The following DUXB variants were observed in gnomAD, a reference collection of about 807,000 sequenced individuals.
DUXB encodes the protein double homeobox protein B.
In DUXB, 22 loss-of-function variants were observed where a neutral mutation model predicts 8.9. That is an observed-to-expected ratio of 2.46 (90% CI 1.76 to 3.52). DUXB has a LOEUF of 3.52. Ranked by LOEUF, DUXB falls within the 30% of genes most tolerant of loss-of-function variation. DUXB has a pLI of 0.00. For missense variants in DUXB, 237 were observed against 108.7 expected, an observed-to-expected ratio of 2.18 and a Z score of -5.25; for synonymous variants, 84 against 37.6, an observed-to-expected ratio of 2.23 and a Z score of -4.52.
At chr16:75,701,108 T>A (rs1026116502) in intron 1 of DUXB, among the ~76,000 whole-genome samples, 4 of 152,166 alleles carry the variant, frequency 2.6e-5, no homozygotes, top group African/African-American at 9.7e-5. Flanking sequence ...GTAGGCTGCA[T>A]TAGACAGTTC....
rs886225308 is a variant in DUXB at position 75,694,542 on chromosome 16, G to A, written c.442-17C>T. On this transcript the variant is annotated splice_polypyrimidine_tract_variant and intron_variant, in intron 4 of 4. Transcript: ENST00000633875. ...AAACCACATCTAAATGAGAAAAAGG[G>A]CAACATGACATCATAAGACATAAGC... is the stretch of plus-strand genomic sequence containing the variant. The A allele has an allele frequency of 1.4e-6, 1 of 702,668 alleles. No homozygotes were observed. The highest frequency in any genetic ancestry group is 2.6e-6 in the Non-Finnish European group (1 of 384,956). The allele number at this position is 702,668 out of a possible 1,614,324, so 43.5% of individuals were successfully genotyped here. A position where few individuals can be genotyped will look rare whatever the true frequency, so the allele number is the denominator to read the frequency against.
chr16:75,694,258 T>C lies in DUXB; in HGVS notation c.709A>G (p.Met237Val). 1 of 587,588 alleles carries C rather than the reference T, an allele frequency of 1.7e-6. No homozygotes were observed. The allele number at this position is 587,588 out of a possible 1,614,324, so 36.4% of individuals were successfully genotyped here. A position where few individuals can be genotyped will look rare whatever the true frequency, so the allele number is the denominator to read the frequency against. The stretch of plus-strand genomic sequence containing the variant: ...TCCTGCACAGCCTGTGTGGGCTGCA[T>C]GATCATGACATTTGGTCCTTGGCTC... ...HVSQGPNVMIMQPTQAVQEGE... is the reference protein window; with the variant it reads ...HVSQGPNVMIVQPTQAVQEGE... Residue 237 changes from methionine (M) to valine (V), a missense_variant, in exon 5 of 5, where the codon ATG becomes GTG. Transcript: ENST00000633875.
chr16:75,699,563 CTT>C (rs1317094267), intron 2 of DUXB, among the ~76,000 whole-genome samples: 8 of 142,960 alleles, frequency 5.6e-5, no homozygotes, highest in Admixed American at 7.0e-5. Flanking sequence ...CTTTTCTTTT[CTT>C]TTTTTTTTTT....
At chr16:75,699,720 G>A (rs1270330161) in intron 2 of DUXB, among the ~76,000 whole-genome samples, 1 of 151,812 alleles carries the variant, frequency 6.6e-6, no homozygotes, top group Non-Finnish European at 1.5e-5. Flanking sequence ...CACCACGCCC[G>A]GCTAATTTTT....
intron 2 of DUXB, among the ~76,000 whole-genome samples, chr16:75,699,810 C>A (rs1959200772): frequency 6.6e-6 from 1 of 152,214 alleles, no homozygotes; most frequent in Non-Finnish European, 1.5e-5. Context: ...ATCCGCCTGC[C>A]TTGGCCTCCC....
At chr16:75,696,637 G>A (rs2082609661) in intron 3 of DUXB, among the ~76,000 whole-genome samples, 1 of 152,136 alleles carries the variant, frequency 6.6e-6, no homozygotes, top group Non-Finnish European at 1.5e-5. Context: ...GTGGGAGGCC[G>A]CTCTGCCTAT....
intron 2 of DUXB, among the ~76,000 whole-genome samples, chr16:75,697,279 G>A (rs1418517235): frequency 6.6e-6 from 1 of 152,148 alleles, no homozygotes; most frequent in Non-Finnish European, 1.5e-5. Context: ...TTCGGTTTCT[G>A]AATATCTTTT....
At chr16:75,699,112 T>G (rs1198495946) in intron 2 of DUXB, among the ~76,000 whole-genome samples, 1 of 152,204 alleles carries the variant, frequency 6.6e-6, no homozygotes, top group East Asian at 1.9e-4. Flanking sequence ...TCTGAAAATG[T>G]TGGGATTACA....
At chr16:75,697,129 C>G (rs1324705947) in intron 2 of DUXB, among the ~76,000 whole-genome samples, 186 bp from the exon 3 acceptor site, 1 of 152,200 alleles carries the variant, frequency 6.6e-6, no homozygotes, top group Admixed American at 6.5e-5. Flanking sequence ...ACACACGCAT[C>G]TCCCTTCAAA....
In DUXB at chr16:75,694,008, A is replaced by G; in HGVS notation, c.959T>C (p.Ile320Thr). The part of the protein sequence containing the change: ...QQPLNLGQFD[I>T]SNILQRWDEI... ...GTCCCACCTTTGCAAAATGTTCGAT[A>G]TGTCAAACTGACCCAGATTTAGAGG... Residue 320 changes from isoleucine to threonine, a missense_variant, in exon 5 of 5, where the codon ATA becomes ACA. Transcript: ENST00000633875. The G allele has an allele frequency of 5.0e-6, 2 of 401,672 alleles. No homozygotes were observed. Among genetic ancestry groups the G allele is most frequent in the Non-Finnish European group, 8.8e-6 (2 of 228,494 alleles). 24.9% of individuals were successfully genotyped at this position (401,672 alleles called of 1,614,324 possible).
chr16:75,699,568 T>C (rs1001556514), intron 2 of DUXB, among the ~76,000 whole-genome samples: 4 of 151,728 alleles, frequency 2.6e-5, no homozygotes, highest in Non-Finnish European at 5.9e-5. Flanking sequence ...CTTTTCTTTT[T>C]TTTTTTTTTG....
At chr16:75,700,275 C>T (rs1000071723) in intron 1 of DUXB, 106 bp from the exon 2 acceptor site, 3 of 574,108 alleles carry the variant, frequency 5.2e-6, no homozygotes, top group Non-Finnish European at 9.3e-6. Context: ...CACTCTGTCG[C>T]CCAGATTGGA....
chr16:75,698,092 A>G lies in DUXB; in HGVS notation c.181-1149T>C, dbSNP rs1052511729. ...TAAATTAATGAATCAGAATAGTTTT[A>G]GTTAAGAAATCTTAAGTACAGATGG... On this transcript the variant is annotated intron_variant, in intron 2 of 4. Coordinates refer to ENST00000633875, the MANE Select transcript of DUXB (RefSeq NM_001351307.2). 2.6e-5 allele frequency among the ~76,000 whole-genome samples: 4 copies of G among 152,356 alleles called. No homozygotes were observed. The South Asian group carries it at 8.3e-4, about 32-fold the overall frequency.
chr16:75,698,103 C>A (rs1959194521), intron 2 of DUXB, among the ~76,000 whole-genome samples: 2 of 152,194 alleles, frequency 1.3e-5, no homozygotes, highest in African/African-American at 2.4e-5. Flanking sequence ...GTTAAGAAAT[C>A]TTAAGTACAG....
At position 75,694,486 on chromosome 16, in the gene DUXB, T is replaced by C; in HGVS notation, c.481A>G (p.Ser161Gly). The C allele has an allele frequency of 1.4e-6, 1 of 703,112 alleles. No individual in the cohort carries two copies. The highest frequency in any genetic ancestry group is 1.5e-5 in the South Asian group (1 of 67,592). 43.6% of individuals were successfully genotyped at this position (703,112 alleles called of 1,614,324 possible). Residue 161 changes from serine (S) to glycine (G), a missense_variant, in exon 5 of 5, where the codon AGC becomes GGC. Physicochemically the swap from Ser to Gly is moderately conservative, Grantham distance 56 (BLOSUM62 0). Coordinates refer to ENST00000633875, the MANE Select transcript of DUXB (RefSeq NM_001351307.2). ...QKQRSLYLKKSRMEPMNLLVD... is the reference protein window; with the variant it reads ...QKQRSLYLKKGRMEPMNLLVD... The stretch of plus-strand genomic sequence containing the variant: ...AATAAATTCATGGGCTCCATTCTGC[T>C]CTTCTTGAGGTACAGAGATCTTTGT...
At chr16:75,698,344 C>T (rs1959195172) in intron 2 of DUXB, among the ~76,000 whole-genome samples, 1 of 152,186 alleles carries the variant, frequency 6.6e-6, no homozygotes, top group South Asian at 2.1e-4. Context: ...AATTTCTTCT[C>T]TCCTATATCC....
In DUXB at chr16:75,694,045, T is replaced by C. The variant is rs2082582932; in HGVS notation, c.922A>G (p.Arg308Gly). ...KSHSQPEPEH[R>G]EQQPLNLGQF... The stretch of plus-strand genomic sequence containing the variant: ...CCCAGATTTAGAGGTTGTTGCTCCC[T>C]GTGCTCAGGTTCAGGCTGAGAATGG... The change falls in exon 5 of 5, where the codon AGG (arginine) becomes GGG (glycine). Residue 308 changes from arginine (R) to glycine (G), a missense_variant. Coordinates refer to ENST00000633875, the MANE Select transcript of DUXB (RefSeq NM_001351307.2). The C allele has an allele frequency of 2.5e-6, 1 of 404,802 alleles. No homozygotes were observed. The highest frequency in any genetic ancestry group is 4.3e-6 in the Non-Finnish European group (1 of 230,558). The allele number at this position is 404,802 out of a possible 1,614,324, so 25.1% of individuals were successfully genotyped here.
rs1430919185 is a variant in DUXB, at chr16:75,700,105, G to A, written c.90C>T (p.Leu30=). 1.4e-6 allele frequency: 1 copy of A among 702,660 alleles called. No homozygotes were observed. The highest frequency in any genetic ancestry group is 2.6e-6 in the Non-Finnish European group (1 of 384,944). The allele number at this position is 702,660 out of a possible 1,614,324, so 43.5% of individuals were successfully genotyped here. A position where few individuals can be genotyped will look rare whatever the true frequency, so the allele number is the denominator to read the frequency against. The part of the protein sequence containing the change: ...IQYNQSQKDI[L]QSWFQHDPFP... ...AAGGGTCATGTTGAAACCATGATTG[G>A]AGGATATCCTTTTGACTCTGGTTAT... The change falls in exon 2 of 5, where the codon CTC becomes CTT. Residue 30 remains leucine (L), a synonymous_variant. Transcript: ENST00000633875.
At chr16:75,695,841 T>C in intron 4 of DUXB, 120 bp downstream of exon 4, 1 of 615,424 alleles carries the variant, frequency 1.6e-6, no homozygotes. Flanking sequence ...GCGTTTACCA[T>C]CCCCCGTTTC....
Sources: allele counts gnomAD v4.1 joint callset (sites outside exome capture counted in the v4.1 genomes callset), GRCh38; gene constraint gnomAD v4.1.1; transcripts MANE v1.5; gene names NCBI Gene and HGNC (gene_info 2026-07-23, HGNC 2026-07-21).